The following CNNM4 variants were observed in gnomAD, a reference collection of about 807,000 sequenced individuals.
The protein encoded by CNNM4 is cyclin and CBS domain divalent metal cation transport mediator 4, also known as metal transporter CNNM4.
A neutral mutation model predicts 53.7 loss-of-function variants in CNNM4; 32 were observed. That is an observed-to-expected ratio of 0.60 (90% CI 0.45 to 0.80). The LOEUF is 0.80. Among genes scored for constraint, CNNM4 ranks in the 30% least tolerant of loss-of-function variants. The pLI is 0.00. For missense variants in CNNM4, 784 were observed against 1,022.0 expected (o/e 0.77, Z 3.17); for synonymous variants, 410 against 440.0 (o/e 0.93, Z 0.85).
At chr2:96,783,547 C>T (rs2078991776) in intron 1 of CNNM4, among the ~76,000 whole-genome samples, 2 of 152,132 alleles carry the variant, frequency 1.3e-5, no homozygotes, top group Non-Finnish European at 2.9e-5. Context: ...TTCTGACAGC[C>T]GTAGCTTCTG....
Position 96,797,142 on chromosome 2 carries a change from G to A in CNNM4, c.1533G>A (p.Glu511=). The change falls in exon 2 of 7, where the codon GAG becomes GAA. Residue 511 remains glutamate (E), a synonymous_variant. Transcript: ENST00000377075. This position sits in a 1 kb window ranked among gnomAD's most constrained non-coding sequence, Gnocchi z 6.0. ...TCATCAAGTCGGAGATCCTGGACGA[G>A]TCCGACATGTACAGTGAGTCCAGCC... ...EEIIKSEILD[E]SDMYTDNRSR... is the part of the protein sequence containing the mutation. 2 of 1,614,148 alleles carry A rather than the reference G, an allele frequency of 1.2e-6. No homozygotes were observed. Among genetic ancestry groups the A allele is most frequent in the East Asian group, 2.2e-5 (1 of 44,884 alleles).
chr2:96,780,972 CT>C (rs1049996269), intron 1 of CNNM4, among the ~76,000 whole-genome samples: 64 of 50,024 alleles, frequency 1.3e-3, no homozygotes, highest in East Asian at 2.6e-3. Flanking sequence ...ATCTCGAACT[CT>C]TTTTTTTTTT....
In CNNM4 at chr2:96,762,075, T is replaced by G. The variant is rs762759439; in HGVS notation, c.1076T>G (p.Leu359Arg). 1 of 1,614,082 alleles carries G rather than the reference T, an allele frequency of 6.2e-7. No individual in the cohort carries two copies. The highest frequency in any genetic ancestry group is 1.7e-5 in the Admixed American group (1 of 60,002). The change falls in exon 1 of 7, where the codon CTC becomes CGC. Residue 359 changes from leucine (L) to arginine (R), a missense_variant. This residue lies in a region of CNNM4 where 473 missense variants were observed against 624.6 expected (regional missense o/e 0.76). Transcript: ENST00000377075. ...TATAATGACCTCGTGAAAGAGGAGC[T>G]CAATATGATCCAGGGTGCCCTGGAA... ...EPYNDLVKEE[L>R]NMIQGALELR...
At position 96,775,559 on chromosome 2, in the gene CNNM4, C is replaced by T. The variant is rs139271607; in HGVS notation, c.1402+13158C>T. ...AAGGCATTTCTGTTAGGAATATGCC[C>T]GGGAACGGAATTGCTAAGGCACAGG... On this transcript the variant is annotated intron_variant, in intron 1 of 6. Coordinates refer to ENST00000377075, the MANE Select transcript of CNNM4 (RefSeq NM_020184.4). Among the ~76,000 whole-genome samples the T allele has an allele frequency of 7.2e-4, 110 of 152,230 alleles. 1 individual carries two copies. The highest frequency in any genetic ancestry group is 2.7e-3 in the East Asian group (14 of 5,192).
intron 1 of CNNM4, among the ~76,000 whole-genome samples, chr2:96,794,991 T>C (rs768047683): frequency 1.3e-5 from 2 of 152,244 alleles, no homozygotes; most frequent in African/African-American, 4.8e-5. Context: ...GAAATGCTCA[T>C]TGGAGCATTT....
At position 96,761,183 on chromosome 2, in the gene CNNM4, C is replaced by G. The variant is rs1050651948; in HGVS notation, c.184C>G (p.Pro62Ala). The G allele has an allele frequency of 6.2e-7, 1 of 1,613,540 alleles. No individual in the cohort carries two copies. Among genetic ancestry groups the G allele is most frequent in the African/African-American group, 1.3e-5 (1 of 75,050 alleles). ...CTGCAACAAGTCGTGTGGGACGAAC[C>G]CGGATGGCATCATCTTCGTGTCCGA... ...ASCNKSCGTNPDGIIFVSEGS... is the reference protein window; with the variant it reads ...ASCNKSCGTNADGIIFVSEGS... Residue 62 changes from proline (P) to alanine (A), a missense_variant, in exon 1 of 7, where the codon CCG becomes GCG. Around this residue, in one of 3 missense-constraint regions of CNNM4, gnomAD observed 473 missense variants for 624.6 expected, o/e 0.76. Coordinates refer to ENST00000377075, the MANE Select transcript of CNNM4 (RefSeq NM_020184.4). This position sits in a 1 kb window ranked among gnomAD's most constrained non-coding sequence, Gnocchi z 6.0.
At chr2:96,793,606 G>T (rs893566944) in intron 1 of CNNM4, among the ~76,000 whole-genome samples, 2 of 152,296 alleles carry the variant, frequency 1.3e-5, no homozygotes, top group Admixed American at 6.5e-5. Flanking sequence ...GGCGGAGAAT[G>T]GTATCAAGAC....
Position 96,799,055 on chromosome 2 carries a change from A to C in CNNM4, c.1682-2A>C. On this transcript the variant is annotated splice_acceptor_variant, in intron 3 of 6. Coordinates refer to ENST00000377075, the MANE Select transcript of CNNM4 (RefSeq NM_020184.4). LOFTEE classifies it high-confidence loss of function. Reference sequence around the variant, plus strand: ...TGAGGTCTCTTCTCTCTCCTCCTACAGAGGTCTCTCAGTTTAGCCCCTCCC... The same window carrying C: ...TGAGGTCTCTTCTCTCTCCTCCTACCGAGGTCTCTCAGTTTAGCCCCTCCC... 1 of 1,614,016 alleles carries C rather than the reference A, an allele frequency of 6.2e-7. No individual in the cohort carries two copies. Among genetic ancestry groups the C allele is most frequent in the Non-Finnish European group, 8.5e-7 (1 of 1,179,944 alleles).
chr2:96,778,221 A>G (rs2078943034), intron 1 of CNNM4, among the ~76,000 whole-genome samples: 1 of 151,316 alleles, frequency 6.6e-6, no homozygotes, highest in South Asian at 2.1e-4. Context: ...TATTTATTCT[A>G]TATATTCTTT....
In CNNM4 at chr2:96,797,364, C is replaced by A. The variant is rs2079112989; in HGVS notation, c.1547-149C>A. The stretch of plus-strand genomic sequence containing the variant: ...CTGCCTTCACCCTCGGCCTTTGTGC[C>A]TCGGCGTCAGCCCAGGACCCTGCCA... On this transcript the variant is annotated intron_variant, in intron 2 of 6. Transcript: ENST00000377075. The surrounding 1 kb of genome is among the most constrained non-coding windows in gnomAD (Gnocchi z 6.0). 3.6e-6 allele frequency: 5 copies of A among 1,378,810 alleles called. No homozygotes were observed. In the East Asian group the frequency reaches 1.1e-4, roughly 32 times the overall value. The allele number at this position is 1,378,810 out of a possible 1,614,324, so 85.4% of individuals were successfully genotyped here.
chr2:96,768,921 T>C (rs1211296625), intron 1 of CNNM4, among the ~76,000 whole-genome samples: 1 of 152,250 alleles, frequency 6.6e-6, no homozygotes, highest in East Asian at 1.9e-4. Flanking sequence ...CACGTGAGGC[T>C]GAGGAGCAAG....
chr2:96,771,238 T>C (rs936800137), intron 1 of CNNM4, among the ~76,000 whole-genome samples: 1 of 151,928 alleles, frequency 6.6e-6, no homozygotes, highest in Admixed American at 6.6e-5. Flanking sequence ...GCTTATGTCG[T>C]AGGCTAGAGC....
Position 96,808,564 on chromosome 2 carries a change from G to A in CNNM4, c.1952G>A (p.Arg651His), listed in dbSNP as rs150945852. The part of the protein sequence containing the change: ...TMALTSVPSD[R>H]SPAHPTPLSR... ...ACAACCTCTGCTCTCCCTGCAGACCGTTCCCCAGCACACCCCACCCCACTC... is the reference window on the plus strand; with the variant it reads ...ACAACCTCTGCTCTCCCTGCAGACCATTCCCCAGCACACCCCACCCCACTC... The change falls in exon 6 of 7, where the codon CGT becomes CAT. Residue 651 changes from arginine to histidine, a missense_variant. Around this residue, in one of 3 missense-constraint regions of CNNM4, gnomAD observed 307 missense variants for 376.3 expected, o/e 0.82. Transcript: ENST00000377075. The surrounding 1 kb of genome is among the most constrained non-coding windows in gnomAD (Gnocchi z 4.9). 7.1e-5 allele frequency: 114 copies of A among 1,613,774 alleles called. No homozygotes were observed. Among genetic ancestry groups the A allele is most frequent in the Non-Finnish European group, 8.7e-5 (103 of 1,179,978 alleles).
chr2:96,792,834 T>C (rs2079073804), intron 1 of CNNM4, among the ~76,000 whole-genome samples: 1 of 150,916 alleles, frequency 6.6e-6, no homozygotes, highest in Admixed American at 6.6e-5. Context: ...AGGCTCACCG[T>C]CCCATGGGCC....
Position 96,761,923 on chromosome 2 carries a change from C to A in CNNM4, c.924C>A (p.Phe308Leu), listed in dbSNP as rs1463622702. 6.2e-7 allele frequency: 1 copy of A among 1,614,092 alleles called. No individual in the cohort carries two copies. The highest frequency in any genetic ancestry group is 8.5e-7 in the Non-Finnish European group (1 of 1,180,046). Reference sequence around the variant, plus strand: ...CCAACACCATCCTTCTCACCAAATTCTTTATGCTACTCACCTTCCCCCTCA... The same window carrying A: ...CCAACACCATCCTTCTCACCAAATTATTTATGCTACTCACCTTCCCCCTCA... ...VGANTILLTK[F>L]FMLLTFPLSF... The change falls in exon 1 of 7, where the codon TTC becomes TTA. Residue 308 changes from phenylalanine (F) to leucine (L), a missense_variant. Phe to Leu is a conservative substitution (Grantham distance 22). Transcript: ENST00000377075. The surrounding 1 kb of genome is among the most constrained non-coding windows in gnomAD (Gnocchi z 6.0).
At chr2:96,788,484 G>A (rs2079033554) in intron 1 of CNNM4, 1 of 152,270 alleles carries the variant, frequency 6.6e-6, no homozygotes, top group African/African-American at 2.4e-5. Flanking sequence ...AGAGGGCAGG[G>A]GCTTGTCACT....
chr2:96,794,441 T>C (rs1005548756), intron 1 of CNNM4, among the ~76,000 whole-genome samples: 4 of 152,164 alleles, frequency 2.6e-5, no homozygotes, highest in Admixed American at 1.3e-4. Context: ...CACGCCTTTG[T>C]TTCTGTGAAG....
chr2:96,796,103 G>GCC (rs1054804954), intron 1 of CNNM4, among the ~76,000 whole-genome samples: 2 of 129,546 alleles, frequency 1.5e-5, no homozygotes, highest in African/African-American at 5.6e-5. Context: ...AGTTCCAGAA[G>GCC]CCCCTGATAA....
chr2:96,765,045 T>G (rs1453821705), intron 1 of CNNM4, among the ~76,000 whole-genome samples: 11 of 122,604 alleles, frequency 9.0e-5, no homozygotes, highest in Admixed American at 1.6e-4. Flanking sequence ...TTTTTTTTTT[T>G]TTTTTTTTTT....
Sources: allele counts gnomAD v4.1 joint callset (sites outside exome capture counted in the v4.1 genomes callset), GRCh38; gene constraint gnomAD v4.1.1; regional missense constraint gnomAD v4.1.1; non-coding constraint Gnocchi (gnomAD v3.1); transcripts MANE v1.5; gene names NCBI Gene and HGNC (gene_info 2026-07-23, HGNC 2026-07-21).